Variants in ANKRD55 observed in about 807,000 individuals in gnomAD.
ANKRD55 encodes ankyrin repeat domain 55.
Under a neutral mutation model 60.6 loss-of-function variants are expected in ANKRD55, and 41 were observed. That is an observed-to-expected ratio of 0.68 (90% CI 0.53 to 0.88). ANKRD55 has a LOEUF of 0.88. Among genes scored for constraint, ANKRD55 ranks in the 40% least tolerant of loss-of-function variants. The pLI, the probability that ANKRD55 is intolerant of heterozygous loss-of-function variation, is 0.00. For missense variants in ANKRD55, 732 were observed against 767.6 expected (o/e 0.95, Z 0.55); for synonymous variants, 264 against 290.3 (o/e 0.91, Z 0.92).
intron 6 of ANKRD55, among the ~76,000 whole-genome samples, chr5:56,148,541 A>G (rs946327820): frequency 6.6e-6 from 1 of 152,202 alleles, no homozygotes; most frequent in Non-Finnish European, 1.5e-5. Flanking sequence ...TGTTGGGTGC[A>G]TAGTAGGGTT....
chr5:56,177,324 T>G (rs1397621004), intron 3 of ANKRD55, among the ~76,000 whole-genome samples: 1 of 152,118 alleles, frequency 6.6e-6, no homozygotes, highest in Non-Finnish European at 1.5e-5. Context: ...TGCTATGTCT[T>G]AAAATAGTTG....
intron 2 of ANKRD55, among the ~76,000 whole-genome samples, chr5:56,232,625 A>T (rs557901806): frequency 6.6e-6 from 1 of 152,250 alleles, no homozygotes; most frequent in Admixed American, 6.5e-5. Flanking sequence ...TCATAAGCTT[A>T]TTTTTCTGTT....
At chr5:56,208,413 A>ATATTTATT (rs200944118) in intron 2 of ANKRD55, among the ~76,000 whole-genome samples, 2 of 151,360 alleles carry the variant, frequency 1.3e-5, no homozygotes, top group East Asian at 3.9e-4. Flanking sequence ...TTTAAAAAAA[A>ATATTTATT]TATTTATTTA....
At chr5:56,223,976 A>G (rs1257852516) in intron 2 of ANKRD55, among the ~76,000 whole-genome samples, 1 of 152,198 alleles carries the variant, frequency 6.6e-6, no homozygotes, top group Non-Finnish European at 1.5e-5. Flanking sequence ...TCAGCTCTGC[A>G]CCAAGCGGAC....
chr5:56,105,640 G>A (rs1756437610), intron 10 of ANKRD55, among the ~76,000 whole-genome samples: 1 of 152,360 alleles, frequency 6.6e-6, no homozygotes, highest in Middle Eastern at 3.4e-3. Context: ...GGGGATTTGA[G>A]ATGGGCGGTG....
chr5:56,203,709 C>A (rs928255871), intron 2 of ANKRD55, among the ~76,000 whole-genome samples: 2 of 152,100 alleles, frequency 1.3e-5, no homozygotes, highest in Non-Finnish European at 2.9e-5. Context: ...TGTATATGTG[C>A]CACATTTTCT....
At chr5:56,101,241 A>G (rs1022537454) in intron 11 of ANKRD55, among the ~76,000 whole-genome samples, 1 of 152,216 alleles carries the variant, frequency 6.6e-6, no homozygotes, top group African/African-American at 2.4e-5. Context: ...AGTGTTTTAC[A>G]TATGTTATCT....
chr5:56,220,814 A>AAAAAC (rs569150047), intron 2 of ANKRD55, among the ~76,000 whole-genome samples: 5 of 152,144 alleles, frequency 3.3e-5, no homozygotes, highest in East Asian at 1.9e-4. Flanking sequence ...CTCCATCTCA[A>AAAAAC]AAAACAAAAC....
chr5:56,192,116 C>CCTCT (rs59932527), intron 2 of ANKRD55, among the ~76,000 whole-genome samples: 2 of 150,252 alleles, frequency 1.3e-5, no homozygotes, highest in Admixed American at 1.3e-4. Flanking sequence ...TCCTATTGCT[C>CCTCT]CTCTCTCTCT....
chr5:56,199,897 A>G (rs1391805972), intron 2 of ANKRD55, among the ~76,000 whole-genome samples: 1 of 151,002 alleles, frequency 6.6e-6, no homozygotes, highest in African/African-American at 2.5e-5. Context: ...TCTCAAAAAA[A>G]AAAAAAAGAG....
intron 6 of ANKRD55, among the ~76,000 whole-genome samples, chr5:56,149,036 T>C (rs556912834): frequency 1.3e-5 from 2 of 152,260 alleles, no homozygotes; most frequent in Non-Finnish European, 2.9e-5. Context: ...CTCCCTTAGA[T>C]AAAAAATTGG....
At chr5:56,200,704 G>A (rs1318908337) in intron 2 of ANKRD55, among the ~76,000 whole-genome samples, 1 of 152,126 alleles carries the variant, frequency 6.6e-6, no homozygotes, top group African/African-American at 2.4e-5. Flanking sequence ...CATTTGTTCT[G>A]CCTAAGCTGT....
intron 2 of ANKRD55, among the ~76,000 whole-genome samples, chr5:56,220,015 C>G (rs1759921531): frequency 6.6e-6 from 1 of 152,164 alleles, no homozygotes; most frequent in African/African-American, 2.4e-5. Flanking sequence ...AGCATGGTGG[C>G]CCAGCTGCCT....
In ANKRD55 at chr5:56,211,385, A is replaced by T. The variant is rs540183159; in HGVS notation, c.58+21471T>A. On this transcript the variant is annotated intron_variant, in intron 2 of 11. Transcript: ENST00000341048. ...GCCCAGCACTGTGTAAGCACTTCCT[A>T]GAAATTGACTCTTTTGATTCTCACT... Among the ~76,000 whole-genome samples, 4 of 152,330 alleles carry T rather than the reference A, an allele frequency of 2.6e-5. No individual in the cohort carries two copies. In the South Asian group the frequency reaches 8.3e-4, roughly 32 times the overall value.
chr5:56,104,259 A>G (rs1431358283), intron 10 of ANKRD55, among the ~76,000 whole-genome samples: 1 of 150,502 alleles, frequency 6.6e-6, no homozygotes, highest in Non-Finnish European at 1.5e-5. Flanking sequence ...ACATTCTATT[A>G]TCATCCTCAT....
Position 56,166,127 on chromosome 5 carries a change from T to TTTC in ANKRD55, c.422+4564_422+4566dup, listed in dbSNP as rs1306232310. On this transcript the variant is annotated intron_variant, in intron 5 of 11. Transcript: ENST00000341048. ...CTTTCTTTCTTTCTTTCTTTCTTTC[T>TTTC]TTCTTTCTTTCTTTCTTTCTTTCTT... Among the ~76,000 whole-genome samples the TTTC allele has an allele frequency of 6.0e-4, 58 of 96,794 alleles. 1 individual carries two copies. The highest frequency in any genetic ancestry group is 2.1e-3 in the African/African-American group (40 of 19,222). The allele number at this position is 96,794 out of a possible 152,430, so 63.5% of individuals were successfully genotyped here.
Position 56,100,073 on chromosome 5 carries a change from T to C in ANKRD55, c.*110A>G, listed in dbSNP as rs1756223331. 1 of 1,422,698 alleles carries C rather than the reference T, an allele frequency of 7.0e-7. No individual in the cohort carries two copies. Among genetic ancestry groups the C allele is most frequent in the South Asian group, 1.2e-5 (1 of 82,538 alleles). 88.1% of individuals were successfully genotyped at this position (1,422,698 alleles called of 1,614,324 possible). ...TTCGAGTTATAAAACTGATGGCTTA[T>C]AGAATGCAGCTTACTAAATTGGTCT... is the stretch of plus-strand genomic sequence containing the variant. On this transcript the variant is annotated 3_prime_UTR_variant, in exon 12 of 12. Coordinates refer to ENST00000341048, the MANE Select transcript of ANKRD55 (RefSeq NM_024669.3).
Position 56,151,839 on chromosome 5 carries a change from ATG to A in ANKRD55, c.484-7912_484-7911del, listed in dbSNP as rs1554039886. 3.4e-5 allele frequency among the ~76,000 whole-genome samples: 5 copies of A among 147,970 alleles called. No individual in the cohort carries two copies. The East Asian group carries it at 9.9e-4, about 29-fold the overall frequency. ...GAAAAAAAAAAATCTATATATATAT[ATG>A]TGTGTGTGTATATATATGTATATAT... On this transcript the variant is annotated intron_variant, in intron 6 of 11. Coordinates refer to ENST00000341048, the MANE Select transcript of ANKRD55 (RefSeq NM_024669.3).
At chr5:56,178,558 A>T (rs377116077) in intron 3 of ANKRD55, among the ~76,000 whole-genome samples, 44 of 152,164 alleles carry the variant, frequency 2.9e-4, no homozygotes, top group African/African-American at 1.1e-3. Flanking sequence ...AAATTCATAT[A>T]TAAAAGAAAA....
Sources: allele counts gnomAD v4.1 joint callset (sites outside exome capture counted in the v4.1 genomes callset), GRCh38; gene constraint gnomAD v4.1.1; transcripts MANE v1.5; gene names NCBI Gene and HGNC (gene_info 2026-07-23, HGNC 2026-07-21).